The following CHMP5 variants were observed in gnomAD, a reference collection of about 807,000 sequenced individuals.
The protein encoded by CHMP5 is SNF7 domain containing 2.
A neutral mutation model predicts 33.0 loss-of-function variants in CHMP5; 17 were observed. The observed-to-expected ratio is 0.52, with a 90% CI of 0.35 to 0.77. The LOEUF (loss-of-function observed/expected upper bound fraction) is 0.77. Among genes scored for constraint, CHMP5 ranks in the 30% least tolerant of loss-of-function variants. The probability of loss-of-function intolerance (pLI) is 0.01; values close to 1 mark genes in which losing one functional copy is unlikely to be tolerated. For synonymous variants in CHMP5, 76 were observed against 90.2 expected (o/e 0.84, Z 0.89); for missense variants, 216 against 261.5 (o/e 0.83, Z 1.20).
intron 4 of CHMP5, 68 bp downstream of exon 4, chr9:33,270,784 T>G: frequency 7.4e-7 from 1 of 1,358,290 alleles, no homozygotes; most frequent in Non-Finnish European, 1.1e-6. Context: ...GATGGCTTTT[T>G]AAAGACAGTT....
rs2118063281 is a variant in CHMP5 at position 33,281,339 on chromosome 9, A to G, written c.*480A>G. 6.5e-6 allele frequency: 1 copy of G among 153,666 alleles called. No homozygotes were observed. Among genetic ancestry groups the G allele is most frequent in the Non-Finnish European group, 1.5e-5 (1 of 68,768 alleles). 9.5% of individuals were successfully genotyped at this position (153,666 alleles called of 1,614,324 possible). The stretch of plus-strand genomic sequence containing the variant: ...ATGGGTTTTGTTGTGTCTTGTGAAC[A>G]AGTCGTTACTGTGTCCATTATTGGA... On this transcript the variant is annotated 3_prime_UTR_variant, in exon 8 of 8. Transcript: ENST00000223500.
chr9:33,271,031 A>G, intron 4 of CHMP5, 121 bp from the exon 5 acceptor site: 1 of 766,934 alleles, frequency 1.3e-6, no homozygotes, highest in Non-Finnish European at 2.1e-6. Flanking sequence ...GCAGTGAGCC[A>G]TTGCACTCCA....
intron 5 of CHMP5, among the ~76,000 whole-genome samples, chr9:33,274,455 A>G (rs1449930762): frequency 1.3e-5 from 2 of 152,190 alleles, no homozygotes; most frequent in Non-Finnish European, 2.9e-5. Flanking sequence ...TATCAACACT[A>G]GTTCTGTTCC....
intron 7 of CHMP5, 35 bp downstream of exon 7, chr9:33,278,260 A>AGCCTTTGC: frequency 7.9e-7 from 1 of 1,259,472 alleles, no homozygotes; most frequent in Non-Finnish European, 1.1e-6. Flanking sequence ...TCAATGCAAA[A>AGCCTTTGC]TAGCAAAGGC....
At position 33,281,017 on chromosome 9, in the gene CHMP5, C is replaced by T. The variant is rs1820916091; in HGVS notation, c.*158C>T. ...CTTTTATTTTTTCCATTAAGAGACT[C>T]ATTGCTTGGGAAATGCTTTCTTCGT... On this transcript the variant is annotated 3_prime_UTR_variant, in exon 8 of 8. Coordinates refer to ENST00000223500, the MANE Select transcript of CHMP5 (RefSeq NM_016410.6). 1 of 476,980 alleles carries T rather than the reference C, an allele frequency of 2.1e-6. No individual in the cohort carries two copies. The highest frequency in any genetic ancestry group is 4.2e-5 in the Admixed American group (1 of 24,034). The allele number at this position is 476,980 out of a possible 1,614,324, so 29.5% of individuals were successfully genotyped here.
Position 33,276,479 on chromosome 9 carries a change from T to C in CHMP5, c.411T>C (p.Asp137=). 1.2e-6 allele frequency: 2 copies of C among 1,606,700 alleles called. No individual in the cohort carries two copies. The highest frequency in any genetic ancestry group is 2.2e-5 in the East Asian group (1 of 44,820). Residue 137 remains aspartate, a synonymous_variant, in exon 6 of 8, where the codon GAT becomes GAC. Coordinates refer to ENST00000223500, the MANE Select transcript of CHMP5 (RefSeq NM_016410.6). The stretch of plus-strand genomic sequence containing the variant: ...AGGATTTACAAGACCAGCTAGAGGA[T>C]ATGATGGAAGATGCAAATGAAATCC... ...QIEDLQDQLE[D]MMEDANEIQE...
intron 7 of CHMP5, among the ~76,000 whole-genome samples, chr9:33,280,394 AGTGAC>A (rs1820908268): frequency 6.6e-6 from 1 of 152,244 alleles, no homozygotes; most frequent in African/African-American, 2.4e-5. Context: ...ATGATATGGA[AGTGAC>A]TGCCTATCCA....
intron 2 of CHMP5, among the ~76,000 whole-genome samples, chr9:33,267,414 G>T (rs1179397643): frequency 6.6e-6 from 1 of 152,196 alleles, no homozygotes; most frequent in African/African-American, 2.4e-5. Flanking sequence ...AGATAAGGTT[G>T]ATAAAAAGGT....
intron 3 of CHMP5, 99 bp from the exon 4 acceptor site, chr9:33,270,523 TG>T: frequency 6.0e-6 from 6 of 991,786 alleles, no homozygotes; most frequent in East Asian, 5.0e-5. Flanking sequence ...TTTGTTCCGT[TG>T]TTTTTTTTTT....
chr9:33,269,128 T>G (rs1232773775), intron 3 of CHMP5, among the ~76,000 whole-genome samples: 2 of 152,236 alleles, frequency 1.3e-5, no homozygotes, highest in Non-Finnish European at 2.9e-5. Flanking sequence ...ATATTATAAT[T>G]TGATATAAAA....
At chr9:33,275,782 G>T (rs10758200) in intron 5 of CHMP5, among the ~76,000 whole-genome samples, 1 of 151,960 alleles carries the variant, frequency 6.6e-6, no homozygotes, top group South Asian at 2.1e-4. Flanking sequence ...GGCTGAGGTG[G>T]GCAGATCACC....
chr9:33,276,435 C>A, intron 5 of CHMP5, 21 bp from the exon 6 acceptor site: 2 of 1,345,934 alleles, frequency 1.5e-6, no homozygotes, highest in Non-Finnish European at 2.1e-6. Context: ...AGAGAAAATC[C>A]TCTCATATAT....
At chr9:33,272,411 G>A (rs796197987) in intron 5 of CHMP5, among the ~76,000 whole-genome samples, 2,995 of 141,868 alleles carry the variant, frequency 0.021, 126 homozygotes, top group African/African-American at 0.073. Context: ...AAAAAAAAAA[G>A]AGAGAAAGCA....
chr9:33,278,402 A>G (rs1346400293), intron 7 of CHMP5, among the ~76,000 whole-genome samples, 177 bp downstream of exon 7: 2 of 152,260 alleles, frequency 1.3e-5, no homozygotes, highest in East Asian at 1.9e-4. Context: ...AACTGACTGC[A>G]TAAACACTGT....
At chr9:33,277,927 C>T in intron 6 of CHMP5, 186 bp from the exon 7 acceptor site, 1 of 486,198 alleles carries the variant, frequency 2.1e-6, no homozygotes, top group Non-Finnish European at 3.7e-6. Flanking sequence ...TCCTCTTGGC[C>T]ACTTCCAACT....
intron 5 of CHMP5, 54 bp downstream of exon 5, chr9:33,271,277 A>AT: frequency 7.1e-7 from 1 of 1,407,394 alleles, no homozygotes; most frequent in Non-Finnish European, 1.0e-6. Context: ...GAGAGAATCC[A>AT]AACGAGTGTG....
rs770502719 is a variant in CHMP5, at chr9:33,278,155, G to C, written c.539G>C (p.Ser180Thr). The change falls in exon 7 of 8, where the codon AGT becomes ACT. Residue 180 changes from serine to threonine, a missense_variant. Transcript: ENST00000223500. Reference sequence around the variant, plus strand: ...GATGAGCTTCTGGCTGATGAAGACAGTTCTTATTTGGATGAGGCAGCATCT... The same window carrying C: ...GATGAGCTTCTGGCTGATGAAGACACTTCTTATTTGGATGAGGCAGCATCT... ...LGDELLADEDSSYLDEAASAP... is the reference protein window; with the variant it reads ...LGDELLADEDTSYLDEAASAP... The C allele has an allele frequency of 2.4e-5, 38 of 1,613,316 alleles. No individual in the cohort carries two copies. Among genetic ancestry groups the C allele is most frequent in the Admixed American group, 1.0e-4 (6 of 59,996 alleles).
chr9:33,265,504 C>T (rs1820703156), intron 1 of CHMP5, among the ~76,000 whole-genome samples: 1 of 152,204 alleles, frequency 6.6e-6, no homozygotes, highest in Non-Finnish European at 1.5e-5. Context: ...CATCTGTCAT[C>T]CCCAGTCCAC....
chr9:33,278,377 C>T, intron 7 of CHMP5, 152 bp downstream of exon 7: 1 of 578,452 alleles, frequency 1.7e-6, no homozygotes, highest in Non-Finnish European at 3.1e-6. Context: ...TCCGGTTTTT[C>T]TGCATTGGAT....
Sources: gnomAD v4.1 joint callset for allele counts (sites outside exome capture counted in the v4.1 genomes callset) on GRCh38, gnomAD v4.1.1 for gene constraint, MANE v1.5 for transcripts, NCBI Gene and HGNC (gene_info 2026-07-23, HGNC 2026-07-21) for gene names.